IL1RAPL1: variants seen among roughly 807,000 people sequenced by gnomAD.
The protein encoded by IL1RAPL1 is interleukin-1 receptor accessory protein-like 1.
A neutral mutation model predicts 48.4 loss-of-function variants in IL1RAPL1; 3 were observed. The ratio of observed to expected loss-of-function variants is 0.06; its 90% CI spans 0.03 to 0.16. The LOEUF (loss-of-function observed/expected upper bound fraction) is 0.16, where lower values mean the gene tolerates loss of function less well. IL1RAPL1 is among the 10% of genes least tolerant of loss of function. The pLI is 1.00. For synonymous variants in IL1RAPL1, 185 were observed against 187.7 expected, an observed-to-expected ratio of 0.99 and a Z score of 0.12; for missense variants, 349 against 530.6, an observed-to-expected ratio of 0.66 and a Z score of 3.36.
chrX:29,935,978 T>C (rs755531092), intron 8 of IL1RAPL1, among the ~76,000 whole-genome samples: 4 of 111,590 alleles, frequency 3.6e-5, no homozygotes, highest in Non-Finnish European at 7.5e-5. Flanking sequence ...GTTTATACCC[T>C]GACTTCCCAA....
intron 3 of IL1RAPL1, among the ~76,000 whole-genome samples, chrX:29,304,738 A>T (rs927421129): frequency 2.7e-5 from 3 of 112,806 alleles, no homozygotes; most frequent in Non-Finnish European, 5.6e-5. Context: ...AGAGAAATTT[A>T]AAAATTAAAT....
intron 1 of IL1RAPL1, among the ~76,000 whole-genome samples, chrX:28,630,016 A>G (rs780760674): frequency 1.1e-4 from 12 of 111,543 alleles, no homozygotes; most frequent in Admixed American, 1.9e-4. Context: ...CAGTTTGTCA[A>G]TTCCTGGGAA....
At chrX:29,065,968 G>A (rs1056507053) in intron 2 of IL1RAPL1, among the ~76,000 whole-genome samples, 5 of 111,067 alleles carry the variant, frequency 4.5e-5, no homozygotes, top group African/African-American at 1.6e-4. Flanking sequence ...TTATTATTTT[G>A]AACATGCTTA....
At chrX:29,000,385 G>C (rs993707666) in intron 2 of IL1RAPL1, among the ~76,000 whole-genome samples, 1 of 111,337 alleles carries the variant, frequency 9.0e-6, no homozygotes, top group Non-Finnish European at 1.9e-5. Context: ...TCCCTTAGAT[G>C]CTCTCTTTAT....
chrX:28,967,088 T>G (rs763544612), intron 2 of IL1RAPL1, among the ~76,000 whole-genome samples: 4 of 111,983 alleles, frequency 3.6e-5, no homozygotes, highest in Non-Finnish European at 5.6e-5. Flanking sequence ...GACCAAACAG[T>G]TGAGCTTGTG....
intron 1 of IL1RAPL1, among the ~76,000 whole-genome samples, chrX:28,648,013 G>T (rs1200527451): frequency 2.7e-5 from 3 of 111,601 alleles, no homozygotes; most frequent in Non-Finnish European, 5.6e-5. Flanking sequence ...TAAATAGGCT[G>T]TCCCTTGTCT....
chrX:29,056,072 A>G (rs1927207772), intron 2 of IL1RAPL1, among the ~76,000 whole-genome samples: 1 of 112,071 alleles, frequency 8.9e-6, no homozygotes, highest in African/African-American at 3.2e-5. Flanking sequence ...TTTTACATCC[A>G]GAAGACAAAC....
chrX:29,024,509 A>C (rs183151545), intron 2 of IL1RAPL1, among the ~76,000 whole-genome samples: 28 of 111,959 alleles, frequency 2.5e-4, no homozygotes, highest in African/African-American at 9.1e-4. Flanking sequence ...CCTCAGTTTA[A>C]TTACCTATAA....
chrX:29,635,712 CAG>C (rs1332890472), intron 5 of IL1RAPL1, among the ~76,000 whole-genome samples: 1 of 107,235 alleles, frequency 9.3e-6, no homozygotes, highest in African/African-American at 3.4e-5. Flanking sequence ...AAAACAGAAA[CAG>C]AAATATATAG....
chrX:29,846,860 G>A (rs1364045250), intron 6 of IL1RAPL1, among the ~76,000 whole-genome samples: 1 of 108,699 alleles, frequency 9.2e-6, no homozygotes, highest in Non-Finnish European at 1.9e-5. Context: ...TATATACACA[G>A]TGAATTTTAG....
chrX:28,644,205 C>G (rs746180339), intron 1 of IL1RAPL1, among the ~76,000 whole-genome samples: 1 of 110,898 alleles, frequency 9.0e-6, no homozygotes, highest in Non-Finnish European at 1.9e-5. Context: ...GTTGCTATAC[C>G]TGTTTGAAAT....
At chrX:29,298,117 CTATT>C (rs1203391153) in intron 3 of IL1RAPL1, among the ~76,000 whole-genome samples, 2 of 112,282 alleles carry the variant, frequency 1.8e-5, no homozygotes, top group Admixed American at 9.5e-5. Flanking sequence ...GATACTGTAT[CTATT>C]TAATTTATTC....
intron 2 of IL1RAPL1, among the ~76,000 whole-genome samples, chrX:29,241,453 T>G (rs1289349947): frequency 8.9e-6 from 1 of 111,769 alleles, no homozygotes; most frequent in Non-Finnish European, 1.9e-5. Flanking sequence ...AAGTCCTGGA[T>G]CATGCACAGC....
chrX:29,455,195 C>T (rs1049280456), intron 5 of IL1RAPL1, among the ~76,000 whole-genome samples: 3 of 111,097 alleles, frequency 2.7e-5, no homozygotes, highest in East Asian at 5.7e-4. Context: ...CAAACCTGCA[C>T]GTCCTGCACA....
At chrX:29,630,054 A>G (rs892471977) in intron 5 of IL1RAPL1, among the ~76,000 whole-genome samples, 1 of 112,238 alleles carries the variant, frequency 8.9e-6, no homozygotes, top group Non-Finnish European at 1.9e-5. Context: ...CCTGTAAACA[A>G]CAGAAACTTC....
chrX:29,178,677 A>G (rs998216891), intron 2 of IL1RAPL1, among the ~76,000 whole-genome samples: 3 of 111,716 alleles, frequency 2.7e-5, no homozygotes, highest in East Asian at 2.8e-4. Context: ...GCCCATGCCT[A>G]TGTCCTGAAT....
intron 2 of IL1RAPL1, among the ~76,000 whole-genome samples, chrX:28,918,142 C>A (rs1923532486): frequency 8.9e-6 from 1 of 112,168 alleles, no homozygotes; most frequent in Non-Finnish European, 1.9e-5. Flanking sequence ...TCACTTCTGG[C>A]AAATGCCACT....
intron 2 of IL1RAPL1, among the ~76,000 whole-genome samples, chrX:29,072,336 G>A (rs776999230): frequency 1.3e-4 from 15 of 111,403 alleles, no homozygotes; most frequent in African/African-American, 4.6e-4. Flanking sequence ...TAAATTACTG[G>A]CACTTCACTC....
At chrX:29,332,460 C>G (rs1463764534) in intron 3 of IL1RAPL1, among the ~76,000 whole-genome samples, 3 of 91,670 alleles carry the variant, frequency 3.3e-5, no homozygotes, top group Non-Finnish European at 6.4e-5. Flanking sequence ...TGGCAGCCCT[C>G]AAGCCATTTA....
Sources: allele counts gnomAD v4.1 joint callset (sites outside exome capture counted in the v4.1 genomes callset), GRCh38; gene constraint gnomAD v4.1.1; transcripts MANE v1.5; gene names NCBI Gene and HGNC (gene_info 2026-07-23, HGNC 2026-07-21).